The following CREM variants were observed in gnomAD, a reference collection of about 807,000 sequenced individuals.
CREM encodes the protein cAMP responsive element modulator.
Under a neutral mutation model 37.3 loss-of-function variants are expected in CREM, and 13 were observed. That is an observed-to-expected ratio of 0.35 (90% CI 0.23 to 0.55). The LOEUF (loss-of-function observed/expected upper bound fraction) is 0.55. Among genes scored for constraint, CREM ranks in the 20% least tolerant of loss-of-function variants. The pLI is 0.88. For synonymous variants in CREM, 124 were observed against 120.2 expected (o/e 1.03, Z -0.21); for missense variants, 296 against 362.3 (o/e 0.82, Z 1.49).
Position 35,211,450 on chromosome 10 carries a change from G to A in CREM, c.*52G>A. The A allele has an allele frequency of 6.3e-7, 1 of 1,583,806 alleles. No homozygotes were observed. Among genetic ancestry groups the A allele is most frequent in the Non-Finnish European group, 8.6e-7 (1 of 1,164,404 alleles). Reference sequence around the variant, plus strand: ...TCTAATCAAGGCAGGAGATGCAGCAGTCCTACTTATTGCCATGTGGACTTG... The same window carrying A: ...TCTAATCAAGGCAGGAGATGCAGCAATCCTACTTATTGCCATGTGGACTTG... On this transcript the variant is annotated 3_prime_UTR_variant, in exon 8 of 8. Coordinates refer to ENST00000685392, the MANE Select transcript of CREM (RefSeq NM_183011.2).
intron 5 of CREM, among the ~76,000 whole-genome samples, chr10:35,181,687 A>C (rs2094357157): frequency 6.6e-6 from 1 of 152,192 alleles, no homozygotes; most frequent in Admixed American, 6.5e-5. Flanking sequence ...CAGTCTGGGC[A>C]ATAGAGTGAG....
chr10:35,203,392 T>A (rs899511674), intron 6 of CREM, among the ~76,000 whole-genome samples: 2 of 152,114 alleles, frequency 1.3e-5, no homozygotes, highest in Non-Finnish European at 2.9e-5. Flanking sequence ...ACCCTTTTTT[T>A]AAAAAAACAA....
intron 3 of CREM, chr10:35,154,389 C>T (rs181446420): frequency 6.0e-4 from 160 of 264,850 alleles, no homozygotes; most frequent in African/African-American, 3.3e-3. Context: ...AAGAGATCTG[C>T]ATTATGTTAG....
At chr10:35,181,771 G>T (rs1042439207) in intron 5 of CREM, among the ~76,000 whole-genome samples, 5 of 152,180 alleles carry the variant, frequency 3.3e-5, no homozygotes, top group African/African-American at 1.2e-4. Flanking sequence ...TACTCAGGAG[G>T]CTGAGGTGGG....
At chr10:35,153,049 G>A (rs2092690212) in intron 3 of CREM, among the ~76,000 whole-genome samples, 1 of 151,670 alleles carries the variant, frequency 6.6e-6, no homozygotes, top group South Asian at 2.1e-4. Context: ...AGACCAGCTT[G>A]AGAGCTTGTC....
chr10:35,128,879 AG>A (rs2135301286), intron 1 of CREM, among the ~76,000 whole-genome samples: 1 of 152,234 alleles, frequency 6.6e-6, no homozygotes, highest in East Asian at 1.9e-4. Flanking sequence ...CCTAAGTCAT[AG>A]TAGTCTTAAA....
At chr10:35,152,501 A>C (rs1254356144) in intron 3 of CREM, 2 of 152,216 alleles carry the variant, frequency 1.3e-5, no homozygotes, top group Non-Finnish European at 2.9e-5. Flanking sequence ...GTAATGTCAA[A>C]AAGTTGGAAG....
rs111834082 is a variant in CREM at position 35,145,018 on chromosome 10, G to A, written c.45-3350G>A. Among the ~76,000 whole-genome samples, 114 of 151,882 alleles carry A rather than the reference G, an allele frequency of 7.5e-4. 1 individual carries two copies. The highest frequency in any genetic ancestry group is 2.7e-3 in the African/African-American group (111 of 41,424). ...CTACTAAAAATAAAAAAAATTAGCC[G>A]GGTGTGGTGGCGCGTGCCTGTAATC... On this transcript the variant is annotated intron_variant, in intron 2 of 7. Transcript: ENST00000685392.
intron 3 of CREM, among the ~76,000 whole-genome samples, chr10:35,161,913 T>C (rs916931143): frequency 5.3e-5 from 8 of 152,160 alleles, no homozygotes; most frequent in Non-Finnish European, 7.3e-5. Context: ...TCCAGCAATT[T>C]CATTACTGGG....
chr10:35,132,578 A>G (rs1034219057), intron 1 of CREM, among the ~76,000 whole-genome samples: 8 of 152,234 alleles, frequency 5.3e-5, no homozygotes, highest in Non-Finnish European at 7.3e-5. Flanking sequence ...TGTTTGGAAT[A>G]TTTATTTACG....
chr10:35,179,253 A>G lies in CREM; in HGVS notation c.386A>G (p.Tyr129Cys), dbSNP rs1216450704. 1.2e-6 allele frequency: 2 copies of G among 1,614,186 alleles called. No homozygotes were observed. The highest frequency in any genetic ancestry group is 1.7e-6 in the Non-Finnish European group (2 of 1,179,996). ...IATMAVPTSI[Y>C]QTSTGQYIAI... ...ACCATGGCAGTACCAACTAGCATAT[A>G]TCAGACTAGCACGGGGCAATACAGT... The change falls in exon 5 of 8, where the codon TAT becomes TGT. Residue 129 changes from tyrosine to cysteine, a missense_variant. Around this residue, in one of 2 missense-constraint regions of CREM, gnomAD observed 257 missense variants for 280.2 expected, o/e 0.92. Coordinates refer to ENST00000685392, the MANE Select transcript of CREM (RefSeq NM_183011.2).
Position 35,186,722 on chromosome 10 carries a change from CTATA to C in CREM, c.410-1473_410-1470del, listed in dbSNP as rs941413854. 1.0e-3 allele frequency among the ~76,000 whole-genome samples: 130 copies of C among 129,402 alleles called. 1 individual carries two copies. The highest frequency in any genetic ancestry group is 1.7e-3 in the Non-Finnish European group (106 of 63,386). The allele number at this position is 129,402 out of a possible 152,430, so 84.9% of individuals were successfully genotyped here. A position where few individuals can be genotyped will look rare whatever the true frequency, so the allele number is the denominator to read the frequency against. ...TTGGTCATATATACAACATATATAA[CTATA>C]TATAATTATATATAGTTATAATTAT... On this transcript the variant is annotated intron_variant, in intron 5 of 7. Coordinates refer to ENST00000685392, the MANE Select transcript of CREM (RefSeq NM_183011.2).
Position 35,188,229 on chromosome 10 carries a change from A to T in CREM, c.439A>T (p.Ile147Phe). ...IAIAQGGTIQ[I>F]SNPGSDGVQG... Reference sequence around the variant, plus strand: ...TATAGCCCAAGGTGGAACAATCCAGATTTCTAACCCAGGATCTGATGGTGT... The same window carrying T: ...TATAGCCCAAGGTGGAACAATCCAGTTTTCTAACCCAGGATCTGATGGTGT... The change falls in exon 6 of 8, where the codon ATT becomes TTT. Residue 147 changes from isoleucine (I) to phenylalanine (F), a missense_variant. Physicochemically the swap from Ile to Phe is conservative, Grantham distance 21. This residue lies in a region of CREM where 257 missense variants were observed against 280.2 expected (regional missense o/e 0.92). Transcript: ENST00000685392. The T allele has an allele frequency of 3.7e-6, 6 of 1,613,884 alleles. No homozygotes were observed. Among genetic ancestry groups the T allele is most frequent in the Non-Finnish European group, 5.1e-6 (6 of 1,179,972 alleles).
At chr10:35,210,062 T>A (rs1165040413) in intron 7 of CREM, among the ~76,000 whole-genome samples, 1 of 149,426 alleles carries the variant, frequency 6.7e-6, no homozygotes, top group Non-Finnish European at 1.5e-5. Context: ...GAGTCAGCTA[T>A]CTTAAAAAAA....
At chr10:35,135,721 G>GAAAA (rs9336981) in intron 1 of CREM, among the ~76,000 whole-genome samples, 1 of 50,562 alleles carries the variant, frequency 2.0e-5, no homozygotes, top group East Asian at 5.3e-4. Flanking sequence ...CCTATTTCTG[G>GAAAA]AAAAAAAAAA....
intron 5 of CREM, among the ~76,000 whole-genome samples, chr10:35,180,691 C>G (rs529813498): frequency 1.3e-5 from 2 of 152,312 alleles, no homozygotes; most frequent in African/African-American, 2.4e-5. Flanking sequence ...TTTACATGCT[C>G]TTTTGTCTGG....
intron 1 of CREM, among the ~76,000 whole-genome samples, chr10:35,129,468 A>G (rs896404540): frequency 2.6e-5 from 4 of 152,198 alleles, no homozygotes; most frequent in Non-Finnish European, 5.9e-5. Context: ...TTATTAACAT[A>G]TATAAGGAAT....
chr10:35,196,682 C>A (rs1464222084), intron 6 of CREM: 2 of 152,152 alleles, frequency 1.3e-5, no homozygotes, highest in Non-Finnish European at 1.5e-5. Flanking sequence ...AACTTAAAAT[C>A]ATCTCAAACA....
intron 6 of CREM, among the ~76,000 whole-genome samples, chr10:35,188,914 G>A (rs564620006): frequency 6.6e-6 from 1 of 152,190 alleles, no homozygotes; most frequent in South Asian, 2.1e-4. Flanking sequence ...CCTGACCTCA[G>A]GTGGAGGCCT....
Sources: gnomAD v4.1 joint callset for allele counts (sites outside exome capture counted in the v4.1 genomes callset) on GRCh38, gnomAD v4.1.1 for gene constraint, gnomAD v4.1.1 regional missense constraint, MANE v1.5 for transcripts, NCBI Gene and HGNC (gene_info 2026-07-23, HGNC 2026-07-21) for gene names.